CDH12: variants seen among roughly 807,000 people sequenced by gnomAD.
CDH12 encodes cadherin-12.
Under a neutral mutation model 74.1 loss-of-function variants are expected in CDH12, and 41 were observed. The observed-to-expected ratio is 0.55, with a 90% CI of 0.43 to 0.72. The LOEUF (loss-of-function observed/expected upper bound fraction) is 0.72, where lower values mean the gene tolerates loss of function less well. Among genes scored for constraint, CDH12 ranks in the 30% least tolerant of loss-of-function variants. The pLI is 0.00. For synonymous variants in CDH12, 399 were observed against 355.0 expected, an observed-to-expected ratio of 1.12 and a Z score of -1.39; for missense variants, 945 against 977.2, an observed-to-expected ratio of 0.97 and a Z score of 0.44.
At chr5:22,012,700 A>T (rs1737372447) in intron 5 of CDH12, among the ~76,000 whole-genome samples, 1 of 150,010 alleles carries the variant, frequency 6.7e-6, no homozygotes, top group Non-Finnish European at 1.5e-5. Context: ...TTGGAGCCTG[A>T]AAACCTTGAT....
chr5:21,816,902 A>G, intron 9 of CDH12, 43 bp downstream of exon 9: 1 of 1,201,808 alleles, frequency 8.3e-7, no homozygotes, highest in African/African-American at 1.6e-5. Flanking sequence ...ATCTTCTTTA[A>G]TTATTATTTA....
intron 3 of CDH12, among the ~76,000 whole-genome samples, chr5:22,308,183 G>C (rs1336445404): frequency 6.6e-6 from 1 of 151,834 alleles, no homozygotes; most frequent in Non-Finnish European, 1.5e-5. Context: ...GCCTGGCCTA[G>C]ATTCTTTTTA....
intron 1 of CDH12, among the ~76,000 whole-genome samples, chr5:22,693,358 G>A (rs923042976): frequency 6.6e-6 from 1 of 152,188 alleles, no homozygotes; most frequent in Admixed American, 6.5e-5. Flanking sequence ...GGCAGCTTGT[G>A]AGAGTGTGTG....
chr5:22,466,810 G>C lies in CDH12; in HGVS notation c.-428+38460C>G, dbSNP rs751033219. Among the ~76,000 whole-genome samples, 144 of 39,874 alleles carry C rather than the reference G, an allele frequency of 3.6e-3. 1 individual carries two copies. The highest frequency in any genetic ancestry group is 5.6e-3 in the Non-Finnish European group (124 of 22,062). 26.2% of individuals were successfully genotyped at this position (39,874 alleles called of 152,430 possible). On this transcript the variant is annotated intron_variant, in intron 2 of 14. Coordinates refer to ENST00000382254, the MANE Select transcript of CDH12 (RefSeq NM_004061.5). Reference sequence around the variant, plus strand: ...TTTTTTTTTTTTTTTTTTTTTTTGAGACGTTGTCTTGCTCTGTCACCAGGC... The same window carrying C: ...TTTTTTTTTTTTTTTTTTTTTTTGACACGTTGTCTTGCTCTGTCACCAGGC...
intron 1 of CDH12, among the ~76,000 whole-genome samples, chr5:22,797,703 A>G (rs1410032025): frequency 1.3e-5 from 2 of 152,192 alleles, no homozygotes; most frequent in Admixed American, 1.3e-4. Context: ...TGCCTTAACT[A>G]TTAGAGAATT....
intron 3 of CDH12, among the ~76,000 whole-genome samples, chr5:22,293,533 C>T (rs1737493661): frequency 6.6e-6 from 1 of 152,076 alleles, no homozygotes; most frequent in Admixed American, 6.5e-5. Context: ...TTTATTGAAG[C>T]ATTATTCACA....
At chr5:21,858,214 A>G (rs992591439) in intron 6 of CDH12, among the ~76,000 whole-genome samples, 1 of 151,918 alleles carries the variant, frequency 6.6e-6, no homozygotes, top group African/African-American at 2.4e-5. Context: ...AGATATGTAT[A>G]TGTTAAACTA....
At chr5:22,391,653 AT>A (rs892154170) in intron 3 of CDH12, among the ~76,000 whole-genome samples, 8 of 151,502 alleles carry the variant, frequency 5.3e-5, no homozygotes, top group East Asian at 1.9e-4. Flanking sequence ...TAAATAACTG[AT>A]TTTTTTTTAT....
At chr5:22,632,386 AG>A (rs1738631410) in intron 1 of CDH12, among the ~76,000 whole-genome samples, 1 of 152,258 alleles carries the variant, frequency 6.6e-6, no homozygotes, top group Non-Finnish European at 1.5e-5. Flanking sequence ...AATTAAAAAA[AG>A]AACTGAAAAA....
intron 5 of CDH12, among the ~76,000 whole-genome samples, chr5:22,059,253 CTCTATCTA>C (rs11438319): frequency 0.014 from 2,010 of 144,324 alleles, 47 homozygotes; most frequent in African/African-American, 0.041. Context: ...TTTCCTTGTA[CTCTATCTA>C]TCTATCTATC....
intron 3 of CDH12, among the ~76,000 whole-genome samples, chr5:22,355,575 A>G (rs1393937182): frequency 6.6e-6 from 1 of 151,444 alleles, no homozygotes; most frequent in East Asian, 1.9e-4. Context: ...AAATGAAAAC[A>G]TAGCAATATC....
chr5:22,413,331 G>A (rs1405787781), intron 2 of CDH12, among the ~76,000 whole-genome samples: 2 of 151,896 alleles, frequency 1.3e-5, no homozygotes, highest in Non-Finnish European at 2.9e-5. Flanking sequence ...AAAGATGTTG[G>A]ATAAACATGG....
At chr5:22,623,958 A>G (rs1161810423) in intron 1 of CDH12, among the ~76,000 whole-genome samples, 1 of 152,224 alleles carries the variant, frequency 6.6e-6, no homozygotes, top group Non-Finnish European at 1.5e-5. Context: ...TACTGGTACC[A>G]AAACAGAGAT....
intron 6 of CDH12, among the ~76,000 whole-genome samples, chr5:21,880,627 C>CTTTCTTTCTTTG: frequency 1.4e-5 from 1 of 69,854 alleles, no homozygotes; most frequent in African/African-American, 5.3e-5. Flanking sequence ...TTCTTTCTTT[C>CTTTCTTTCTTTG]TTTCTTTCTT....
chr5:22,258,336 A>C (rs1753392200), intron 3 of CDH12, among the ~76,000 whole-genome samples: 1 of 152,060 alleles, frequency 6.6e-6, no homozygotes, highest in Non-Finnish European at 1.5e-5. Flanking sequence ...GACAGTCTTC[A>C]GCAGTTTCAA....
At chr5:22,850,411 A>C (rs1017795686) in intron 1 of CDH12, among the ~76,000 whole-genome samples, 12 of 152,114 alleles carry the variant, frequency 7.9e-5, no homozygotes, top group Non-Finnish European at 1.5e-4. Context: ...CAGTATTAGC[A>C]AAATAAAAAG....
intron 6 of CDH12, among the ~76,000 whole-genome samples, chr5:21,923,251 T>G (rs1190486331): frequency 1.3e-5 from 2 of 152,154 alleles, no homozygotes; most frequent in African/African-American, 2.4e-5. Context: ...TTCTATTCAA[T>G]GCAAAAATCT....
intron 6 of CDH12, among the ~76,000 whole-genome samples, chr5:21,904,455 A>C (rs147140167): frequency 6.6e-6 from 1 of 152,140 alleles, no homozygotes; most frequent in African/African-American, 2.4e-5. Context: ...AGATAAGGCT[A>C]AGGAAGATTT....
intron 1 of CDH12, among the ~76,000 whole-genome samples, chr5:22,647,231 T>C (rs991049544): frequency 6.6e-5 from 10 of 151,834 alleles, no homozygotes; most frequent in African/African-American, 2.4e-4. Context: ...TCAGGTTCTT[T>C]AGCAGGAAAG....
Sources: allele counts gnomAD v4.1 joint callset (sites outside exome capture counted in the v4.1 genomes callset), GRCh38; gene constraint gnomAD v4.1.1; transcripts MANE v1.5; gene names NCBI Gene and HGNC (gene_info 2026-07-23, HGNC 2026-07-21).